The following KCNU1 variants were observed in gnomAD, a reference collection of about 807,000 sequenced individuals.
The protein encoded by KCNU1 is potassium channel subfamily U member 1.
Under a neutral mutation model 126.8 loss-of-function variants are expected in KCNU1, and 93 were observed. The ratio of observed to expected loss-of-function variants is 0.73; its 90% CI spans 0.62 to 0.87. The LOEUF is 0.87. Ranked by LOEUF, KCNU1 falls within the 40% of genes least tolerant of loss-of-function variation. The pLI, the probability that KCNU1 is intolerant of heterozygous loss-of-function variation, is 0.00. For missense variants in KCNU1, 1,330 were observed against 1,367.1 expected, an observed-to-expected ratio of 0.97 and a Z score of 0.43; for synonymous variants, 523 against 494.2, an observed-to-expected ratio of 1.06 and a Z score of -0.77.
At chr8:36,823,746 C>T (rs978945915) in intron 10 of KCNU1, among the ~76,000 whole-genome samples, 1 of 150,830 alleles carries the variant, frequency 6.6e-6, no homozygotes, top group African/African-American at 2.4e-5. Context: ...CTAAGAGTTG[C>T]AAATGGGTCA....
intron 10 of KCNU1, among the ~76,000 whole-genome samples, chr8:36,824,061 T>C (rs1255930947): frequency 6.6e-6 from 1 of 152,116 alleles, no homozygotes; most frequent in African/African-American, 2.4e-5. Context: ...GGTCTTGAAC[T>C]CCTGACCTCA....
chr8:36,821,015 C>G (rs930605170), intron 10 of KCNU1, among the ~76,000 whole-genome samples: 1 of 152,138 alleles, frequency 6.6e-6, no homozygotes, highest in Non-Finnish European at 1.5e-5. Context: ...CAACAGAATT[C>G]TGCTTCAAAC....
At chr8:36,839,196 C>T (rs1232321947) in intron 14 of KCNU1, among the ~76,000 whole-genome samples, 1 of 152,116 alleles carries the variant, frequency 6.6e-6, no homozygotes, top group African/African-American at 2.4e-5. Context: ...AGAACATTTC[C>T]AGTTGGTCCT....
At chr8:36,805,811 T>C (rs1803477467) in intron 4 of KCNU1, among the ~76,000 whole-genome samples, 1 of 152,200 alleles carries the variant, frequency 6.6e-6, no homozygotes, top group Non-Finnish European at 1.5e-5. Flanking sequence ...AATATACACA[T>C]ATATGTATGT....
At chr8:36,818,487 T>G (rs974251126) in intron 10 of KCNU1, among the ~76,000 whole-genome samples, 2 of 152,208 alleles carry the variant, frequency 1.3e-5, no homozygotes, top group African/African-American at 4.8e-5. Flanking sequence ...ACTTCACCTT[T>G]TAATTTTTTT....
rs769087336 is a variant in KCNU1 at position 36,911,129 on chromosome 8, G to A, written c.2521+10G>A. The A allele has an allele frequency of 1.9e-6, 3 of 1,589,786 alleles. No individual in the cohort carries two copies. Among genetic ancestry groups the A allele is most frequent in the Admixed American group, 1.7e-5 (1 of 57,890 alleles). On this transcript the variant is annotated intron_variant, in intron 22 of 26. Coordinates refer to ENST00000399881, the MANE Select transcript of KCNU1 (RefSeq NM_001031836.3). ...TCACCCTCAGTGTCAGGTGAGAACAGCACCCCTGAAAAGAAGAAACTAGGA... is the reference window on the plus strand; with the variant it reads ...TCACCCTCAGTGTCAGGTGAGAACAACACCCCTGAAAAGAAGAAACTAGGA...
intron 2 of KCNU1, among the ~76,000 whole-genome samples, chr8:36,791,999 A>G (rs1269464205): frequency 6.6e-6 from 1 of 152,178 alleles, no homozygotes; most frequent in Non-Finnish European, 1.5e-5. Flanking sequence ...AATAAAGAAA[A>G]CACTGTCAGG....
intron 18 of KCNU1, among the ~76,000 whole-genome samples, chr8:36,850,791 TAGA>T (rs1253561923): frequency 6.6e-6 from 1 of 152,194 alleles, no homozygotes; most frequent in African/African-American, 2.4e-5. Flanking sequence ...TTGTTTATGG[TAGA>T]AGAAGAGGAT....
intron 19 of KCNU1, among the ~76,000 whole-genome samples, chr8:36,868,836 G>A (rs1214342312): frequency 1.3e-5 from 2 of 152,108 alleles, no homozygotes; most frequent in East Asian, 1.9e-4. Context: ...ATAAGAGAAA[G>A]AAAGTATTTC....
intron 15 of KCNU1, 38 bp from the exon 16 acceptor site, chr8:36,840,894 C>G (rs370859376): frequency 2.8e-6 from 4 of 1,432,192 alleles, no homozygotes; most frequent in Non-Finnish European, 3.0e-6. Flanking sequence ...GTTCACTGAC[C>G]GCTTGCTCTC....
At chr8:36,836,393 C>G in intron 13 of KCNU1, 28 bp downstream of exon 13, 1 of 1,423,354 alleles carries the variant, frequency 7.0e-7, no homozygotes, top group Non-Finnish European at 9.9e-7. Context: ...CATATTCCAT[C>G]TCCTCCTTTT....
chr8:36,826,291 C>A (rs1183633603), intron 10 of KCNU1, among the ~76,000 whole-genome samples: 12 of 151,920 alleles, frequency 7.9e-5, no homozygotes, highest in African/African-American at 2.9e-4. Flanking sequence ...CTCACTGCAA[C>A]CTCTGCCTCC....
At chr8:36,870,476 A>C (rs1460854907) in intron 19 of KCNU1, among the ~76,000 whole-genome samples, 1 of 152,150 alleles carries the variant, frequency 6.6e-6, no homozygotes, top group African/African-American at 2.4e-5. Context: ...TCTGTGTTCC[A>C]AACTATTCAG....
intron 19 of KCNU1, among the ~76,000 whole-genome samples, chr8:36,905,239 T>A (rs1563327216): frequency 6.6e-6 from 1 of 152,018 alleles, no homozygotes; most frequent in Non-Finnish European, 1.5e-5. Context: ...AATCAGGATG[T>A]TTCAACAGGG....
chr8:36,896,697 T>G (rs1807203812), intron 19 of KCNU1, among the ~76,000 whole-genome samples: 1 of 152,036 alleles, frequency 6.6e-6, no homozygotes, highest in Admixed American at 6.6e-5. Flanking sequence ...TGGAGGAAGA[T>G]TTCAGAGAAC....
chr8:36,814,504 C>T, intron 8 of KCNU1, 127 bp downstream of exon 8: 1 of 673,026 alleles, frequency 1.5e-6, no homozygotes, highest in Non-Finnish European at 2.5e-6. Flanking sequence ...ATGTCAAGGG[C>T]AAATGAAAAC....
chr8:36,836,430 A>T, intron 13 of KCNU1, 65 bp downstream of exon 13: 7 of 1,115,854 alleles, frequency 6.3e-6, no homozygotes, highest in Non-Finnish European at 9.2e-6. Flanking sequence ...GAACTTTTTA[A>T]TTTTCTAATG....
chr8:36,902,821 G>T (rs1226556094), intron 19 of KCNU1, among the ~76,000 whole-genome samples: 2 of 152,128 alleles, frequency 1.3e-5, no homozygotes, highest in African/African-American at 4.8e-5. Flanking sequence ...ATGATTAAGA[G>T]AGCCGGTGGG....
chr8:36,864,307 T>C (rs1805825125), intron 18 of KCNU1, 97 bp from the exon 19 acceptor site: 1 of 767,632 alleles, frequency 1.3e-6, no homozygotes, highest in Admixed American at 1.9e-5. Flanking sequence ...AGCCTTTCCC[T>C]AGTCAAGGGT....
Sources: allele counts gnomAD v4.1 joint callset (sites outside exome capture counted in the v4.1 genomes callset), GRCh38; gene constraint gnomAD v4.1.1; transcripts MANE v1.5; gene names NCBI Gene and HGNC (gene_info 2026-07-23, HGNC 2026-07-21).